EXT1: variants seen among roughly 807,000 people sequenced by gnomAD.
EXT1 encodes exostosin glycosyltransferase 1.
In EXT1, 20 loss-of-function variants were observed where a neutral mutation model predicts 82.5. That is an observed-to-expected ratio of 0.24 (90% CI 0.17 to 0.35). The LOEUF is 0.35. EXT1 is among the 10% of genes least tolerant of loss of function. The probability of loss-of-function intolerance (pLI) is 1.00; values close to 1 mark genes in which losing one functional copy is unlikely to be tolerated. For missense variants in EXT1, 757 were observed against 936.5 expected, an observed-to-expected ratio of 0.81 and a Z score of 2.50; for synonymous variants, 348 against 350.8, an observed-to-expected ratio of 0.99 and a Z score of 0.09.
intron 1 of EXT1, among the ~76,000 whole-genome samples, chr8:117,873,209 G>A (rs1018723007): frequency 9.2e-5 from 14 of 152,030 alleles, no homozygotes; most frequent in African/African-American, 2.7e-4. Context: ...CCCTGGTCTC[G>A]GACTCTGAGT....
At chr8:117,905,668 C>G (rs1016972705) in intron 1 of EXT1, among the ~76,000 whole-genome samples, 7 of 152,022 alleles carry the variant, frequency 4.6e-5, no homozygotes, top group African/African-American at 1.7e-4. Flanking sequence ...AAAAATTAGC[C>G]GGGCGTGGTG....
intron 1 of EXT1, among the ~76,000 whole-genome samples, chr8:118,000,012 T>TACACACACAC (rs1321917061): frequency 6.6e-6 from 1 of 151,766 alleles, no homozygotes; most frequent in African/African-American, 2.4e-5. Context: ...TATACACACA[T>TACACACACAC]ACACACACAC....
chr8:117,902,794 A>G (rs1813474266), intron 1 of EXT1, among the ~76,000 whole-genome samples: 2 of 152,226 alleles, frequency 1.3e-5, no homozygotes, highest in Non-Finnish European at 2.9e-5. Flanking sequence ...GGAAAAACTC[A>G]GATTCTTGAT....
intron 1 of EXT1, among the ~76,000 whole-genome samples, chr8:118,059,920 T>C (rs1047292246): frequency 2.6e-5 from 4 of 152,220 alleles, no homozygotes; most frequent in African/African-American, 9.6e-5. Flanking sequence ...TGCAATTCCA[T>C]GCAGGTGAAC....
chr8:117,952,088 T>C (rs1189339119), intron 1 of EXT1, among the ~76,000 whole-genome samples: 2 of 152,206 alleles, frequency 1.3e-5, no homozygotes, highest in Non-Finnish European at 2.9e-5. Flanking sequence ...AAATTATTAG[T>C]ATCAGAACAC....
chr8:117,835,532 A>T lies in EXT1; in HGVS notation c.1076T>A (p.Met359Lys), dbSNP rs549241569. ...EALQAACVPV[M>K]LSNGWELPFS... ...TGGCAACTCCCATCCATTGCTGAGC[A>T]TCACAGGGACGCAGGCAGCCTGAGC... Residue 359 changes from methionine to lysine, a missense_variant, in exon 3 of 11, where the codon ATG (methionine) becomes AAG (lysine). Coordinates refer to ENST00000378204, the MANE Select transcript of EXT1 (RefSeq NM_000127.3). 1.2e-6 allele frequency: 2 copies of T among 1,614,158 alleles called. No individual in the cohort carries two copies. The highest frequency in any genetic ancestry group is 1.7e-5 in the Admixed American group (1 of 60,020).
intron 1 of EXT1, among the ~76,000 whole-genome samples, chr8:118,027,946 G>A: frequency 6.6e-6 from 1 of 152,168 alleles, no homozygotes; most frequent in East Asian, 1.9e-4. Flanking sequence ...CATGCTGCTT[G>A]ATGCTTGACC....
chr8:117,964,451 A>G (rs1814764393), intron 1 of EXT1, among the ~76,000 whole-genome samples: 1 of 152,184 alleles, frequency 6.6e-6, no homozygotes, highest in Non-Finnish European at 1.5e-5. Context: ...GGTTAATTAA[A>G]TCACCCAAAT....
intron 1 of EXT1, among the ~76,000 whole-genome samples, chr8:117,891,804 G>GTT (rs1813247715): frequency 8.9e-6 from 1 of 111,812 alleles, no homozygotes. Context: ...CTTTTTTCTT[G>GTT]CTTTTTTTTT....
At chr8:117,831,625 C>T (rs1291328214) in intron 3 of EXT1, 2 of 471,180 alleles carry the variant, frequency 4.2e-6, no homozygotes, top group Non-Finnish European at 8.8e-6. Flanking sequence ...GCCTCCATAA[C>T]ATATGACTAA....
At chr8:118,011,681 T>G (rs1815902618) in intron 1 of EXT1, among the ~76,000 whole-genome samples, 1 of 152,196 alleles carries the variant, frequency 6.6e-6, no homozygotes, top group African/African-American at 2.4e-5. Context: ...GATCCAAAAT[T>G]CCCTGCATCT....
intron 1 of EXT1, among the ~76,000 whole-genome samples, chr8:118,007,953 G>A (rs1301757777): frequency 6.6e-6 from 1 of 152,094 alleles, no homozygotes; most frequent in East Asian, 1.9e-4. Flanking sequence ...CAGGTGGAAG[G>A]GAGACTGTTT....
chr8:118,095,191 A>T (rs1817588013), intron 1 of EXT1, among the ~76,000 whole-genome samples: 1 of 152,162 alleles, frequency 6.6e-6, no homozygotes, highest in Admixed American at 6.5e-5. Context: ...TTTCATAGAA[A>T]CCTAAGATTT....
At chr8:117,933,483 G>A (rs1814101158) in intron 1 of EXT1, among the ~76,000 whole-genome samples, 1 of 151,920 alleles carries the variant, frequency 6.6e-6, no homozygotes, top group Non-Finnish European at 1.5e-5. Flanking sequence ...TGACCTCAAG[G>A]GATCCACCGG....
chr8:118,001,550 A>G (rs563469871), intron 1 of EXT1, among the ~76,000 whole-genome samples: 1 of 151,980 alleles, frequency 6.6e-6, no homozygotes, highest in East Asian at 1.9e-4. Flanking sequence ...TAATGTACAC[A>G]CTCTGCTTTA....
chr8:117,822,713 C>T lies in EXT1; in HGVS notation c.1285-116G>A, dbSNP rs4355803. ...AGTCAGAGTAGTGACTCTACCCTCC[C>T]TCCCACTTTAATTCTCCGGATAAAA... On this transcript the variant is annotated intron_variant, in intron 4 of 10. Coordinates refer to ENST00000378204, the MANE Select transcript of EXT1 (RefSeq NM_000127.3). 272,823 of 1,085,754 alleles carry T rather than the reference C, an allele frequency of 0.25. 35,084 individuals carry two copies. Among genetic ancestry groups the T allele is most frequent in the African/African-American group, 0.35 (22,974 of 64,870 alleles). The allele number at this position is 1,085,754 out of a possible 1,614,324, so 67.3% of individuals were successfully genotyped here.
rs541955571 is a variant in EXT1, at chr8:117,858,806, A to C, written c.963-21605T>G. Among the ~76,000 whole-genome samples the C allele has an allele frequency of 2.4e-3, 153 of 62,660 alleles. 11 individuals are homozygous for C. Among genetic ancestry groups the C allele is most frequent in the East Asian group, 0.019 (49 of 2,630 alleles). The allele number at this position is 62,660 out of a possible 152,430, so 41.1% of individuals were successfully genotyped here. ...GCAGGCAGGCAAGGCAAGGCAAGGC[A>C]AGGCAGGAAGGAAGGAAGGAAGGAA... On this transcript the variant is annotated intron_variant, in intron 1 of 10. Coordinates refer to ENST00000378204, the MANE Select transcript of EXT1 (RefSeq NM_000127.3).
chr8:117,929,186 C>A (rs1399058087), intron 1 of EXT1, among the ~76,000 whole-genome samples: 2 of 152,168 alleles, frequency 1.3e-5, no homozygotes, highest in East Asian at 1.9e-4. Flanking sequence ...ATGGGCTAAG[C>A]CTGACCAAGC....
At chr8:118,063,281 T>C (rs1323493717) in intron 1 of EXT1, among the ~76,000 whole-genome samples, 1 of 152,204 alleles carries the variant, frequency 6.6e-6, no homozygotes, top group East Asian at 1.9e-4. Flanking sequence ...ATCAAGGCAA[T>C]CACACATCAT....
Sources: gnomAD v4.1 joint callset for allele counts (sites outside exome capture counted in the v4.1 genomes callset) on GRCh38, gnomAD v4.1.1 for gene constraint, MANE v1.5 for transcripts, NCBI Gene and HGNC (gene_info 2026-07-23, HGNC 2026-07-21) for gene names.